The following NIPSNAP3B variants were observed in gnomAD, a reference collection of about 807,000 sequenced individuals.
The protein encoded by NIPSNAP3B is protein NipSnap homolog 3B.
A neutral mutation model predicts 31.5 loss-of-function variants in NIPSNAP3B; 30 were observed. The observed-to-expected ratio is 0.95, with a 90% CI of 0.71 to 1.29. The LOEUF (loss-of-function observed/expected upper bound fraction) is 1.29. NIPSNAP3B is among the 50% of genes most tolerant of loss of function. The pLI, the probability that NIPSNAP3B is intolerant of heterozygous loss-of-function variation, is 0.00. For missense variants in NIPSNAP3B, 269 were observed against 300.7 expected (o/e 0.89, Z 0.78); for synonymous variants, 106 against 107.9 (o/e 0.98, Z 0.11).
the NIPSNAP3B span, chr9:104,786,458 A>C: frequency 3.7e-6 from 5 of 1,356,800 alleles, no homozygotes; most frequent in Non-Finnish European, 5.3e-6. Context: ...CATCACCATG[A>C]CTTCCAGCAT....
chr9:104,789,444 G>A, the NIPSNAP3B span, among the ~76,000 whole-genome samples: 1 of 152,206 alleles, frequency 6.6e-6, no homozygotes, highest in Non-Finnish European at 1.5e-5. Context: ...CTGCAAAAAT[G>A]TAAGAGACAG....
At chr9:104,786,449 A>C in the NIPSNAP3B span, 1 of 1,443,574 alleles carries the variant, frequency 6.9e-7, no homozygotes, top group East Asian at 2.3e-5. Context: ...CCATGAGAAC[A>C]TCACCATGAC....
chr9:104,787,045 A>C, the NIPSNAP3B span: 2 of 1,366,536 alleles, frequency 1.5e-6, no homozygotes, highest in Non-Finnish European at 2.1e-6. Context: ...TTGTTTTTAA[A>C]TGCAGAAGCA....
downstream of NIPSNAP3B, among the ~76,000 whole-genome samples, chr9:104,779,891 TGTG>T (rs1482853449): frequency 6.6e-6 from 1 of 152,004 alleles, no homozygotes. Context: ...ATTAGCTGGT[TGTG>T]GTGGCGCATG....
the NIPSNAP3B span, chr9:104,788,477 G>T: frequency 6.2e-7 from 1 of 1,614,168 alleles, no homozygotes; most frequent in Non-Finnish European, 8.5e-7. Flanking sequence ...AGAACTCCAC[G>T]TGTTCTCTCC....
intron 4 of NIPSNAP3B, among the ~76,000 whole-genome samples, chr9:104,772,208 G>GTT (rs56851362): frequency 4.4e-5 from 6 of 136,750 alleles, no homozygotes; most frequent in African/African-American, 7.9e-5. Flanking sequence ...TTTTTTTTTT[G>GTT]TTTTTTTTTT....
At chr9:104,785,386 C>G in the NIPSNAP3B span, 1 of 1,613,802 alleles carries the variant, frequency 6.2e-7, no homozygotes, top group Non-Finnish European at 8.5e-7. Flanking sequence ...TTTTGACACT[C>G]AAAGCTTACT....
At position 104,772,902 on chromosome 9, in the gene NIPSNAP3B, G is replaced by A. The variant is rs773857428; in HGVS notation, c.661G>A (p.Ala221Thr). 1.8e-5 allele frequency: 29 copies of A among 1,613,442 alleles called. No homozygotes were observed. The highest frequency in any genetic ancestry group is 2.5e-5 in the Non-Finnish European group (29 of 1,179,810). The change falls in exon 5 of 6, where the codon GCG (alanine) becomes ACG (threonine). Residue 221 changes from alanine (A) to threonine (T), a missense_variant. Transcript: ENST00000374762. ...HKSHEDPRVV[A>T]AVRESVNYLV... The stretch of plus-strand genomic sequence containing the variant: ...GTCCCATGAGGATCCCAGAGTTGTG[G>A]CGGCTGGTAAGCTGTTTCACTAAGC...
rs767755048 is a variant in NIPSNAP3B at position 104,776,893 on chromosome 9, AAAG to A, written c.*3824_*3826del. On this transcript the variant is annotated 3_prime_UTR_variant, in exon 6 of 6. Transcript: ENST00000374762. ...ACATATGAGATCTGTGAGTCTGAAA[AAAG>A]AAGTACATCATTCCTTCACATGTCA... Among the ~76,000 whole-genome samples, 89 of 152,328 alleles carry A rather than the reference AAAG, an allele frequency of 5.8e-4. 1 individual carries two copies. The highest frequency in any genetic ancestry group is 1.7e-3 in the South Asian group (8 of 4,830).
chr9:104,764,462 A>T (rs1828048563), intron 1 of NIPSNAP3B, among the ~76,000 whole-genome samples, 162 bp downstream of exon 1: 1 of 152,178 alleles, frequency 6.6e-6, no homozygotes, highest in Non-Finnish European at 1.5e-5. Flanking sequence ...GCGCGCAAGG[A>T]GGAGGCTACA....
chr9:104,781,107 ATT>A (rs538025657), downstream of NIPSNAP3B: 1 of 152,462 alleles, frequency 6.6e-6, no homozygotes, highest in African/African-American at 2.4e-5. Flanking sequence ...GACATACAAA[ATT>A]TTTTTTCTTT....
At chr9:104,790,864 T>C in the NIPSNAP3B span, 1 of 1,212,750 alleles carries the variant, frequency 8.2e-7, no homozygotes, top group South Asian at 1.2e-5. Flanking sequence ...AACCTATTTC[T>C]TTAAATAAAT....
At chr9:104,785,979 CT>C in the NIPSNAP3B span, among the ~76,000 whole-genome samples, 1 of 152,182 alleles carries the variant, frequency 6.6e-6, no homozygotes, top group East Asian at 1.9e-4. Context: ...TTGTGTTTGA[CT>C]CCAAAGCTTG....
chr9:104,785,018 C>A, the NIPSNAP3B span, among the ~76,000 whole-genome samples: 1 of 152,094 alleles, frequency 6.6e-6, no homozygotes, highest in Non-Finnish European at 1.5e-5. Flanking sequence ...TTGGCACATA[C>A]GGTCTTGATT....
downstream of NIPSNAP3B, among the ~76,000 whole-genome samples, chr9:104,779,855 AC>A (rs1828430553): frequency 1.3e-5 from 2 of 151,986 alleles, no homozygotes; most frequent in African/African-American, 4.8e-5. Flanking sequence ...GTATAGTGAA[AC>A]CCCATCTCTA....
downstream of NIPSNAP3B, among the ~76,000 whole-genome samples, chr9:104,778,519 G>A (rs536398890): frequency 5.0e-4 from 76 of 152,234 alleles, no homozygotes; most frequent in African/African-American, 1.7e-3. Context: ...GCACCACCAC[G>A]CCCAGCCAAC....
rs564380510 is a variant in NIPSNAP3B at position 104,772,903 on chromosome 9, C to A, written c.662C>A (p.Ala221Glu). ...TCCCATGAGGATCCCAGAGTTGTGG[C>A]GGCTGGTAAGCTGTTTCACTAAGCA... Reference protein sequence around the residue: ...HKSHEDPRVVAAVRESVNYLV... With the variant: ...HKSHEDPRVVEAVRESVNYLV... The change falls in exon 5 of 6, where the codon GCG becomes GAG. Residue 221 changes from alanine to glutamate, a missense_variant. Coordinates refer to ENST00000374762, the MANE Select transcript of NIPSNAP3B (RefSeq NM_018376.4). 12 of 1,613,220 alleles carry A rather than the reference C, an allele frequency of 7.4e-6. No individual in the cohort carries two copies. The African/African-American group carries it at 1.1e-4, about 14-fold the overall frequency.
the NIPSNAP3B span, chr9:104,790,808 C>T: frequency 3.9e-6 from 3 of 769,856 alleles, no homozygotes; most frequent in Non-Finnish European, 6.7e-6. Context: ...TACTATATTT[C>T]AACATTTTTA....
At chr9:104,789,745 C>T in the NIPSNAP3B span, among the ~76,000 whole-genome samples, 2 of 150,994 alleles carry the variant, frequency 1.3e-5, no homozygotes, top group Admixed American at 6.6e-5. Context: ...TTTCCCACAA[C>T]GGTCATGGTC....
Sources: gnomAD v4.1 joint callset for allele counts (sites outside exome capture counted in the v4.1 genomes callset) on GRCh38, gnomAD v4.1.1 for gene constraint, MANE v1.5 for transcripts, NCBI Gene and HGNC (gene_info 2026-07-23, HGNC 2026-07-21) for gene names.